Variants in TMEM117 observed in about 807,000 individuals in gnomAD.
The protein encoded by TMEM117 is transmembrane protein 117.
TMEM117 carries 27 observed loss-of-function variants against 52.4 expected under a neutral mutation model. The observed-to-expected ratio is 0.51, with a 90% confidence interval of 0.38 to 0.71. The LOEUF (loss-of-function observed/expected upper bound fraction) is 0.71, where lower values mean the gene tolerates loss of function less well. TMEM117 is among the 30% of genes least tolerant of loss of function. The pLI is 0.00. For synonymous variants in TMEM117, 215 were observed against 206.3 expected, an observed-to-expected ratio of 1.04 and a Z score of -0.36; for missense variants, 556 against 630.5, an observed-to-expected ratio of 0.88 and a Z score of 1.26.
At chr12:44,250,350 G>A (rs935737752) in intron 5 of TMEM117, among the ~76,000 whole-genome samples, 7 of 152,114 alleles carry the variant, frequency 4.6e-5, no homozygotes, top group Non-Finnish European at 1.0e-4. Flanking sequence ...AGATACTGGC[G>A]AGGCTGTGGA....
At chr12:43,852,818 A>G (rs1331663275) in intron 2 of TMEM117, among the ~76,000 whole-genome samples, 1 of 152,178 alleles carries the variant, frequency 6.6e-6, no homozygotes, top group Non-Finnish European at 1.5e-5. Context: ...GTTTTCCAAC[A>G]TGTGCAGAGA....
intron 5 of TMEM117, among the ~76,000 whole-genome samples, chr12:44,261,573 C>T (rs193123686): frequency 4.9e-4 from 74 of 152,040 alleles, no homozygotes; most frequent in African/African-American, 1.5e-3. Context: ...TCAATAGTAT[C>T]GCTATGGGGA....
intron 3 of TMEM117, among the ~76,000 whole-genome samples, chr12:44,081,982 A>C (rs560898085): frequency 6.6e-6 from 1 of 151,818 alleles, no homozygotes; most frequent in African/African-American, 2.4e-5. Flanking sequence ...TAACAGAAAA[A>C]CTCCCCTAGG....
chr12:44,279,054 G>A (rs958141326), intron 5 of TMEM117, among the ~76,000 whole-genome samples: 5 of 151,944 alleles, frequency 3.3e-5, no homozygotes, highest in Admixed American at 6.6e-5. Context: ...GTGCTTGAGA[G>A]TAGATATATT....
At chr12:44,143,275 C>T (rs1267591306) in intron 3 of TMEM117, among the ~76,000 whole-genome samples, 4 of 152,166 alleles carry the variant, frequency 2.6e-5, no homozygotes, top group South Asian at 2.1e-4. Flanking sequence ...TGTCATTAGT[C>T]GTACAGCTCA....
intron 6 of TMEM117, chr12:44,318,350 A>G (rs761886119): frequency 6.6e-6 from 1 of 151,986 alleles, no homozygotes; most frequent in Non-Finnish European, 1.5e-5. Flanking sequence ...GCCCTGCTAC[A>G]CTCTAATCTA....
chr12:44,074,407 TA>T (rs1947349597), intron 3 of TMEM117, among the ~76,000 whole-genome samples: 2 of 151,970 alleles, frequency 1.3e-5, no homozygotes, highest in Admixed American at 1.3e-4. Flanking sequence ...AGAAACAAAT[TA>T]ATAGCGCCTA....
intron 3 of TMEM117, among the ~76,000 whole-genome samples, chr12:44,046,700 T>G (rs1359345572): frequency 6.6e-6 from 1 of 152,248 alleles, no homozygotes; most frequent in Admixed American, 6.5e-5. Flanking sequence ...GTAACTGTCA[T>G]GAGTTTATTT....
intron 2 of TMEM117, among the ~76,000 whole-genome samples, chr12:43,848,736 T>C (rs1393175523): frequency 6.6e-6 from 1 of 152,198 alleles, no homozygotes; most frequent in Non-Finnish European, 1.5e-5. Flanking sequence ...GATAACAGGA[T>C]TAAGAGATTA....
rs535223975 is a variant in TMEM117, at chr12:44,144,295, C to T, written c.510+671C>T. Among the ~76,000 whole-genome samples, 63 of 152,258 alleles carry T rather than the reference C, an allele frequency of 4.1e-4. 1 individual carries two copies. The highest frequency in any genetic ancestry group is 7.9e-4 in the Non-Finnish European group (54 of 68,020). ...GTTAAAATTTAAAGATAGCATGTTGCTAGAAGGCTCTGGGTTCTATAAATT... is the reference window on the plus strand; with the variant it reads ...GTTAAAATTTAAAGATAGCATGTTGTTAGAAGGCTCTGGGTTCTATAAATT... On this transcript the variant is annotated intron_variant, in intron 4 of 7. Transcript: ENST00000266534.
At chr12:43,983,630 G>A (rs914455044) in intron 3 of TMEM117, among the ~76,000 whole-genome samples, 1 of 150,092 alleles carries the variant, frequency 6.7e-6, no homozygotes, top group African/African-American at 2.4e-5. Flanking sequence ...GATCAACATA[G>A]TATGAGGATT....
chr12:44,351,594 G>C (rs747735897), intron 6 of TMEM117, among the ~76,000 whole-genome samples: 13 of 151,906 alleles, frequency 8.6e-5, no homozygotes, highest in Non-Finnish European at 1.6e-4. Context: ...AGTTGTCCCA[G>C]CACCATTTAT....
At chr12:44,287,692 T>C (rs969281060) in intron 5 of TMEM117, among the ~76,000 whole-genome samples, 8 of 152,242 alleles carry the variant, frequency 5.3e-5, no homozygotes, top group African/African-American at 1.9e-4. Context: ...AATATTCAAG[T>C]GCTTCCTATG....
At chr12:44,378,706 T>A (rs1592729881) in intron 7 of TMEM117, among the ~76,000 whole-genome samples, 2 of 152,326 alleles carry the variant, frequency 1.3e-5, no homozygotes, top group African/African-American at 2.4e-5. Context: ...GTGCAGTGTT[T>A]GCCATATGAT....
chr12:44,335,351 C>G (rs1206905635), intron 6 of TMEM117, among the ~76,000 whole-genome samples: 1 of 151,998 alleles, frequency 6.6e-6, no homozygotes, highest in African/African-American at 2.4e-5. Flanking sequence ...CAGAATAAGT[C>G]TCTGAGTAAA....
At chr12:44,344,457 A>G (rs192929267) in intron 6 of TMEM117, among the ~76,000 whole-genome samples, 1 of 152,186 alleles carries the variant, frequency 6.6e-6, no homozygotes, top group Non-Finnish European at 1.5e-5. Flanking sequence ...CATTTCTGCT[A>G]GGCCTCTCAA....
At chr12:43,861,056 G>C (rs941742261) in intron 2 of TMEM117, among the ~76,000 whole-genome samples, 28 of 152,122 alleles carry the variant, frequency 1.8e-4, no homozygotes, top group Non-Finnish European at 2.9e-5. Flanking sequence ...TTTTTAGGAA[G>C]GCTGATTTAT....
At chr12:44,396,333 C>T in the TMEM117 span, among the ~76,000 whole-genome samples, 1 of 151,984 alleles carries the variant, frequency 6.6e-6, no homozygotes, top group Non-Finnish European at 1.5e-5. Flanking sequence ...AATGTACTGC[C>T]CCTCTCTTGT....
intron 5 of TMEM117, among the ~76,000 whole-genome samples, chr12:44,267,896 T>C (rs2138558313): frequency 6.6e-6 from 1 of 152,310 alleles, no homozygotes; most frequent in Non-Finnish European, 1.5e-5. Flanking sequence ...TTGTCCATTA[T>C]TCATCAGTGG....
Sources: gnomAD v4.1 joint callset for allele counts (sites outside exome capture counted in the v4.1 genomes callset) on GRCh38, gnomAD v4.1.1 for gene constraint, MANE v1.5 for transcripts, NCBI Gene and HGNC (gene_info 2026-07-23, HGNC 2026-07-21) for gene names.